The following TRDN variants were observed in gnomAD, a reference collection of about 807,000 sequenced individuals.
TRDN encodes the protein triadin in skeletal muscle.
A neutral mutation model predicts 149.7 loss-of-function variants in TRDN; 161 were observed. The observed-to-expected ratio is 1.08, with a 90% confidence interval of 0.95 to 1.23. TRDN has a LOEUF of 1.23. Among genes scored for constraint, TRDN ranks in the 50% most tolerant of loss-of-function variants. The pLI is 0.00. For missense variants in TRDN, 896 were observed against 823.5 expected (o/e 1.09, Z -1.08); for synonymous variants, 294 against 250.5 (o/e 1.17, Z -1.64).
At chr6:123,242,141 T>C (rs1776012745) in intron 38 of TRDN, among the ~76,000 whole-genome samples, 1 of 152,198 alleles carries the variant, frequency 6.6e-6, no homozygotes, top group Admixed American at 6.6e-5. Context: ...TGAAAAACCT[T>C]CCCGCAGCAT....
intron 1 of TRDN, among the ~76,000 whole-genome samples, chr6:123,622,070 T>A (rs1442347942): frequency 2.6e-5 from 4 of 152,074 alleles, no homozygotes; most frequent in African/African-American, 7.2e-5. Flanking sequence ...CTCTCTGGCC[T>A]CCCCTTCCAA....
chr6:123,350,786 A>C, intron 21 of TRDN: 3 of 977,332 alleles, frequency 3.1e-6, no homozygotes, highest in Non-Finnish European at 3.6e-6. Flanking sequence ...AGTCAATATA[A>C]AAATAGCCAT....
chr6:123,498,307 G>A, intron 8 of TRDN: 1 of 273,678 alleles, frequency 3.7e-6, no homozygotes, highest in Non-Finnish European at 7.4e-6. Context: ...ACACCTCTAA[G>A]GATTTTTGTA....
intron 9 of TRDN, among the ~76,000 whole-genome samples, chr6:123,486,446 C>G (rs922645437): frequency 6.6e-6 from 1 of 152,008 alleles, no homozygotes; most frequent in Non-Finnish European, 1.5e-5. Flanking sequence ...TATAATAAGA[C>G]ACTTTTATTG....
At chr6:123,447,269 C>T in intron 10 of TRDN, among the ~76,000 whole-genome samples, 1 of 152,190 alleles carries the variant, frequency 6.6e-6, no homozygotes, top group East Asian at 1.9e-4. Context: ...TCACATAAAT[C>T]AACAAATGCT....
chr6:123,246,789 A>C (rs941688869), intron 38 of TRDN, among the ~76,000 whole-genome samples: 2 of 121,798 alleles, frequency 1.6e-5, no homozygotes, highest in Admixed American at 2.0e-4. Context: ...GAGACATAAC[A>C]GAAAAAAAAA....
chr6:123,419,567 C>T (rs1031806996), intron 12 of TRDN, among the ~76,000 whole-genome samples: 15 of 151,886 alleles, frequency 9.9e-5, no homozygotes, highest in Admixed American at 9.9e-4. Context: ...AGACAGGGGG[C>T]GGGTCTCACT....
intron 1 of TRDN, among the ~76,000 whole-genome samples, chr6:123,590,856 GGCCTGT>G (rs1562411983): frequency 2.0e-5 from 3 of 152,092 alleles, no homozygotes; most frequent in Non-Finnish European, 4.4e-5. Context: ...CCCCTGCCCT[GGCCTGT>G]GGAAAAATTG....
intron 1 of TRDN, among the ~76,000 whole-genome samples, chr6:123,599,069 A>G (rs978402565): frequency 1.8e-4 from 28 of 152,104 alleles, no homozygotes; most frequent in Non-Finnish European, 3.7e-4. Context: ...TAGTTGCAGT[A>G]CTTAGCAATA....
chr6:123,352,464 T>G lies in TRDN; in HGVS notation c.1369+75A>C, dbSNP rs1220025025. 78 of 1,586,802 alleles carry G rather than the reference T, an allele frequency of 4.9e-5. 1 individual carries two copies. In the South Asian group the frequency reaches 8.6e-4, roughly 18 times the overall value. ...TAAAGGTTATTGTCTTCCGCCTGTCTGAATCCAGTGCTTTCCTCCGCATGT... is the reference window on the plus strand; with the variant it reads ...TAAAGGTTATTGTCTTCCGCCTGTCGGAATCCAGTGCTTTCCTCCGCATGT... On this transcript the variant is annotated intron_variant, in intron 21 of 40. Coordinates refer to ENST00000334268, the MANE Select transcript of TRDN (RefSeq NM_006073.4).
At position 123,390,997 on chromosome 6, in the gene TRDN, C is replaced by T. The variant is rs182063681; in HGVS notation, c.1106-2446G>A. Among the ~76,000 whole-genome samples the T allele has an allele frequency of 9.9e-5, 15 of 152,144 alleles. No individual in the cohort carries two copies. In the East Asian group the frequency reaches 2.5e-3, roughly 25 times the overall value. On this transcript the variant is annotated intron_variant, in intron 13 of 40. Transcript: ENST00000334268. ...CCATCTTTTAAGCCGAGTTCCATTA[C>T]GGCATGTGTTCTCTCTTTGGCATTT...
At chr6:123,538,187 A>T (rs1298492957) in intron 4 of TRDN, among the ~76,000 whole-genome samples, 2 of 152,190 alleles carry the variant, frequency 1.3e-5, no homozygotes, top group African/African-American at 4.8e-5. Context: ...CAAGCACCAG[A>T]TAAAATAAAA....
chr6:123,242,049 T>C (rs903397020), intron 38 of TRDN, among the ~76,000 whole-genome samples: 6 of 152,188 alleles, frequency 3.9e-5, no homozygotes, highest in African/African-American at 1.4e-4. Flanking sequence ...ATAAAATCTT[T>C]TTCTTTGATA....
chr6:123,420,847 A>G lies in TRDN; in HGVS notation c.1051+17216T>C, dbSNP rs868645147. 3.9e-5 allele frequency among the ~76,000 whole-genome samples: 6 copies of G among 152,358 alleles called. No homozygotes were observed. In the Middle Eastern group the frequency reaches 0.014, roughly 345 times the overall value. ...GGAACCACATTATAAATTAATGGAA[A>G]AAATTTTTAATTGTTGTTAAATGCC... On this transcript the variant is annotated intron_variant, in intron 12 of 40. Coordinates refer to ENST00000334268, the MANE Select transcript of TRDN (RefSeq NM_006073.4).
intron 24 of TRDN, among the ~76,000 whole-genome samples, chr6:123,287,542 A>C (rs918580456): frequency 3.3e-5 from 5 of 152,132 alleles, no homozygotes; most frequent in African/African-American, 4.8e-5. Context: ...GTTTGTCACA[A>C]TTCTGAGTCC....
At chr6:123,343,721 C>A (rs1028583511) in intron 21 of TRDN, among the ~76,000 whole-genome samples, 1 of 151,772 alleles carries the variant, frequency 6.6e-6, no homozygotes. Flanking sequence ...TGCACATGTA[C>A]CCTGAAACTT....
intron 24 of TRDN, among the ~76,000 whole-genome samples, chr6:123,305,099 A>C (rs1467571118): frequency 6.6e-6 from 1 of 152,198 alleles, no homozygotes; most frequent in Non-Finnish European, 1.5e-5. Flanking sequence ...CATTGCTTAT[A>C]CTACCAAGGT....
At chr6:123,537,068 AC>A (rs1459845458) in intron 4 of TRDN, among the ~76,000 whole-genome samples, 1 of 152,160 alleles carries the variant, frequency 6.6e-6, no homozygotes, top group Non-Finnish European at 1.5e-5. Context: ...AGATGCTCAT[AC>A]AAAAACTAGA....
intron 26 of TRDN, 87 bp from the exon 27 acceptor site, chr6:123,274,757 A>T (rs1403990212): frequency 7.6e-7 from 1 of 1,315,530 alleles, no homozygotes; most frequent in Non-Finnish European, 1.1e-6. Context: ...TTATTTGGTT[A>T]TCATAATTGG....
Sources: allele counts gnomAD v4.1 joint callset (sites outside exome capture counted in the v4.1 genomes callset), GRCh38; gene constraint gnomAD v4.1.1; transcripts MANE v1.5; gene names NCBI Gene and HGNC (gene_info 2026-07-23, HGNC 2026-07-21).